The following CEP83 variants were observed in gnomAD, a reference collection of about 807,000 sequenced individuals.
CEP83 encodes the protein centrosomal protein of 83 kDa.
Under a neutral mutation model 101.9 loss-of-function variants are expected in CEP83, and 70 were observed. The observed-to-expected ratio is 0.69, with a 90% CI of 0.57 to 0.84. CEP83 has a LOEUF of 0.84. Ranked by LOEUF, CEP83 falls within the 40% of genes least tolerant of loss-of-function variation. The probability of loss-of-function intolerance (pLI) is 0.00; values close to 1 mark genes in which losing one functional copy is unlikely to be tolerated. For missense variants in CEP83, 715 were observed against 787.2 expected, an observed-to-expected ratio of 0.91 and a Z score of 1.10; for synonymous variants, 264 against 267.9, an observed-to-expected ratio of 0.99 and a Z score of 0.14.
At chr12:94,274,582 C>A in the CEP83 span, among the ~76,000 whole-genome samples, 2 of 152,178 alleles carry the variant, frequency 1.3e-5, no homozygotes, top group Admixed American at 1.3e-4. Flanking sequence ...CAGGGCAGTC[C>A]CTCTAAACAG....
chr12:94,421,464 A>C (rs1466840288), intron 2 of CEP83, among the ~76,000 whole-genome samples: 1 of 152,140 alleles, frequency 6.6e-6, no homozygotes, highest in Non-Finnish European at 1.5e-5. Flanking sequence ...TTCTTCCAAC[A>C]AATCCTGTTG....
At chr12:94,354,144 G>A (rs2060331641) in intron 11 of CEP83, among the ~76,000 whole-genome samples, 1 of 151,894 alleles carries the variant, frequency 6.6e-6, no homozygotes, top group Non-Finnish European at 1.5e-5. Context: ...ACAGACACTT[G>A]TAAAACATTT....
chr12:94,414,911 A>G (rs2064154312), intron 2 of CEP83, among the ~76,000 whole-genome samples: 1 of 152,182 alleles, frequency 6.6e-6, no homozygotes, highest in Non-Finnish European at 1.5e-5. Context: ...AGTTAAGATT[A>G]CTAAGATTTA....
At chr12:94,423,737 C>T (rs1593939616) in intron 2 of CEP83, 2 of 1,611,888 alleles carry the variant, frequency 1.2e-6, no homozygotes, top group East Asian at 4.5e-5. Context: ...GGAGGGGAAT[C>T]CCACTGTTAC....
Position 94,379,415 on chromosome 12 carries a change from T to G in CEP83, c.550-373A>C, listed in dbSNP as rs192298010. 2.8e-3 allele frequency among the ~76,000 whole-genome samples: 424 copies of G among 152,322 alleles called. 3 individuals carry two copies. Among genetic ancestry groups the G allele is most frequent in the African/African-American group, 9.7e-3 (404 of 41,576 alleles). ...GACTACTCCAAAGCTTTTCCTCACA[T>G]GACTGTAATTCTTGAGCTAGTCTAT... On this transcript the variant is annotated intron_variant, in intron 6 of 16. Transcript: ENST00000397809.
At position 94,335,299 on chromosome 12, in the gene CEP83, A is replaced by T. The variant is rs750382357; in HGVS notation, c.1419+290T>A. Among the ~76,000 whole-genome samples the T allele has an allele frequency of 4.4e-4, 67 of 152,098 alleles. 1 individual carries two copies. Among genetic ancestry groups the T allele is most frequent in the Non-Finnish European group, 5.2e-4 (35 of 67,944 alleles). On this transcript the variant is annotated intron_variant, in intron 12 of 16. Transcript: ENST00000397809. ...CTATTGAGTTTTTAAAATTCTGAAT[A>T]TTAAAATACTGTCCTTATAACTGTA...
chr12:94,318,432 C>T (rs1273062888), intron 14 of CEP83, among the ~76,000 whole-genome samples: 2 of 152,088 alleles, frequency 1.3e-5, no homozygotes, highest in Non-Finnish European at 2.9e-5. Flanking sequence ...ACTACTCTGG[C>T]CAGGACTTTT....
At chr12:94,422,166 G>T (rs1361553516) in intron 2 of CEP83, among the ~76,000 whole-genome samples, 2 of 152,092 alleles carry the variant, frequency 1.3e-5, no homozygotes, top group East Asian at 1.9e-4. Flanking sequence ...CTTTTGGGAG[G>T]TTCTAAGTTG....
intron 6 of CEP83, among the ~76,000 whole-genome samples, chr12:94,394,595 CA>C (rs2062766241): frequency 6.6e-6 from 1 of 152,166 alleles, no homozygotes; most frequent in South Asian, 2.1e-4. Flanking sequence ...ACACCAAAAG[CA>C]ATGGCAACAA....
intron 1 of CEP83, among the ~76,000 whole-genome samples, chr12:94,453,482 T>C (rs1003364106): frequency 2.0e-5 from 3 of 152,218 alleles, no homozygotes; most frequent in Non-Finnish European, 2.9e-5. Flanking sequence ...TCTATCCTTA[T>C]AGCATTTAAC....
the CEP83 span, chr12:94,282,550 T>C: frequency 1.6e-6 from 1 of 613,172 alleles, no homozygotes; most frequent in South Asian, 2.0e-5. Context: ...TTTCGTTGCT[T>C]GTGCAGACAA....
At chr12:94,430,535 G>A (rs532627852) in intron 2 of CEP83, among the ~76,000 whole-genome samples, 1 of 151,582 alleles carries the variant, frequency 6.6e-6, no homozygotes, top group East Asian at 1.9e-4. Flanking sequence ...AAGAATCTCA[G>A]AACCTGAAGA....
At chr12:94,287,714 G>A in the CEP83 span, among the ~76,000 whole-genome samples, 6 of 152,238 alleles carry the variant, frequency 3.9e-5, no homozygotes, top group African/African-American at 1.4e-4. Flanking sequence ...GGTCTGTTAA[G>A]TAAGGTCAGC....
intron 11 of CEP83, among the ~76,000 whole-genome samples, chr12:94,351,820 C>A (rs2060211001): frequency 6.6e-6 from 1 of 152,196 alleles, no homozygotes; most frequent in African/African-American, 2.4e-5. Context: ...AATGAGCACC[C>A]AACACCCAAG....
chr12:94,405,029 G>C (rs1355279857), intron 4 of CEP83, among the ~76,000 whole-genome samples: 1 of 152,200 alleles, frequency 6.6e-6, no homozygotes, highest in East Asian at 1.9e-4. Context: ...GCTGTGGGAA[G>C]AAGAGGCAGT....
In CEP83 at chr12:94,368,115, T is replaced by C. The variant is rs755302382; in HGVS notation, c.1135A>G (p.Lys379Glu). Reference sequence around the variant, plus strand: ...CCTTCTTCTTTGGCAGCTTGTACTTTACGTATTAATTCACGATCCTTTTCT... The same window carrying C: ...CCTTCTTCTTTGGCAGCTTGTACTTCACGTATTAATTCACGATCCTTTTCT... Reference protein sequence around the residue: ...LVEKDRELIRKVQAAKEEGYQ... With the variant: ...LVEKDRELIREVQAAKEEGYQ... Residue 379 changes from lysine to glutamate, a missense_variant, in exon 10 of 17, where the codon AAA becomes GAA. Coordinates refer to ENST00000397809, the MANE Select transcript of CEP83 (RefSeq NM_016122.3). 8.7e-6 allele frequency: 14 copies of C among 1,613,260 alleles called. No homozygotes were observed. Among genetic ancestry groups the C allele is most frequent in the African/African-American group, 1.3e-5 (1 of 74,912 alleles).
intron 15 of CEP83, among the ~76,000 whole-genome samples, chr12:94,311,432 A>G (rs775071500): frequency 6.6e-5 from 10 of 152,202 alleles, no homozygotes; most frequent in Non-Finnish European, 1.5e-4. Flanking sequence ...AGTCAGAAGC[A>G]CGGGTTACAA....
chr12:94,360,973 T>G (rs1201401788), intron 11 of CEP83, among the ~76,000 whole-genome samples: 2 of 152,176 alleles, frequency 1.3e-5, no homozygotes, highest in African/African-American at 4.8e-5. Context: ...TAACTGATTT[T>G]CAACAAAAGC....
chr12:94,306,294 T>C (rs1346857044), downstream of CEP83: 2 of 152,096 alleles, frequency 1.3e-5, no homozygotes, highest in Admixed American at 6.6e-5. Flanking sequence ...TATATAAATA[T>C]ATATATTTGA....
Sources: gnomAD v4.1 joint callset for allele counts (sites outside exome capture counted in the v4.1 genomes callset) on GRCh38, gnomAD v4.1.1 for gene constraint, MANE v1.5 for transcripts, NCBI Gene and HGNC (gene_info 2026-07-23, HGNC 2026-07-21) for gene names.